Variants in NCOA6 observed in about 807,000 individuals in gnomAD.
NCOA6 encodes nuclear receptor coactivator 6.
Under a neutral mutation model 171.4 loss-of-function variants are expected in NCOA6, and 49 were observed. That is an observed-to-expected ratio of 0.29 (90% confidence interval 0.23 to 0.36). The LOEUF is 0.36. Among genes scored for constraint, NCOA6 ranks in the 10% least tolerant of loss-of-function variants. NCOA6 has a pLI of 1.00. For missense variants in NCOA6, 2,248 were observed against 2,554.5 expected (o/e 0.88, Z 2.59); for synonymous variants, 910 against 927.5 (o/e 0.98, Z 0.34).
intron 1 of NCOA6, among the ~76,000 whole-genome samples, chr20:34,802,790 T>C (rs2078298637): frequency 6.6e-6 from 1 of 152,108 alleles, no homozygotes; most frequent in Non-Finnish European, 1.5e-5. Context: ...AAAGGCAAAA[T>C]GCAAGTTGAG....
chr20:34,754,827 C>A lies in NCOA6; in HGVS notation c.1570G>T (p.Ala524Ser). 2 of 1,614,124 alleles carry A rather than the reference C, an allele frequency of 1.2e-6. No individual in the cohort carries two copies. The highest frequency in any genetic ancestry group is 1.7e-5 in the Admixed American group (1 of 60,014). ...RLPPGFSAGQ[A>S]NPNFMQGQVP... ...TGACCTTGCATAAAGTTCGGATTGG[C>A]CTGTCCTGCTGAGAAGCCAGGTGGG... Residue 524 changes from alanine (A) to serine (S), a missense_variant, in exon 8 of 15, where the codon GCC becomes TCC. Around this residue, in one of 7 missense-constraint regions of NCOA6, gnomAD observed 987 missense variants for 1,104.7 expected, o/e 0.89. Coordinates refer to ENST00000359003, the MANE Select transcript of NCOA6 (RefSeq NM_014071.5).
intron 2 of NCOA6, among the ~76,000 whole-genome samples, chr20:34,788,544 C>T (rs542576486): frequency 6.6e-6 from 1 of 152,252 alleles, no homozygotes; most frequent in South Asian, 2.1e-4. Flanking sequence ...GAAAGCTGCT[C>T]CTGCCCCATC....
chr20:34,808,436 CTTTT>C (rs957085400), intron 1 of NCOA6, among the ~76,000 whole-genome samples: 2 of 125,478 alleles, frequency 1.6e-5, no homozygotes, highest in African/African-American at 3.0e-5. Flanking sequence ...CTTGTCTGTG[CTTTT>C]TTTTTTTTTT....
chr20:34,756,480 A>T (rs577100854), intron 7 of NCOA6, among the ~76,000 whole-genome samples: 3 of 152,230 alleles, frequency 2.0e-5, no homozygotes, highest in Non-Finnish European at 4.4e-5. Flanking sequence ...TACCTTACTG[A>T]AAAGCTCCAA....
rs1315921859 is a variant in NCOA6, at chr20:34,758,053, G to A, written c.695C>T (p.Pro232Leu). Residue 232 changes from proline (P) to leucine (L), a missense_variant, in exon 7 of 15, where the codon CCC becomes CTC. Coordinates refer to ENST00000359003, the MANE Select transcript of NCOA6 (RefSeq NM_014071.5). The stretch of plus-strand genomic sequence containing the variant: ...ATGTGGGGGAGCTAAAGATCCTGAG[G>A]GATGACTTTGCTGCTGTATATGGAG... ...SGLHIQQQSH[P>L]SGSLAPPHHP... is the part of the protein sequence containing the mutation. 3 of 1,614,024 alleles carry A rather than the reference G, an allele frequency of 1.9e-6. No individual in the cohort carries two copies. The South Asian group carries it at 3.3e-5, about 18-fold the overall frequency.
At chr20:34,803,436 C>A (rs2078323797) in intron 1 of NCOA6, among the ~76,000 whole-genome samples, 1 of 149,096 alleles carries the variant, frequency 6.7e-6, no homozygotes, top group Non-Finnish European at 1.5e-5. Flanking sequence ...CACTGTACTC[C>A]AGCCTGGGTG....
intron 14 of NCOA6, among the ~76,000 whole-genome samples, chr20:34,720,204 T>C (rs1266494961): frequency 1.3e-5 from 2 of 152,246 alleles, no homozygotes; most frequent in Non-Finnish European, 2.9e-5. Flanking sequence ...TAAAGCAAGC[T>C]AGAAAAATCA....
At chr20:34,765,856 GA>G (rs939268490) in intron 5 of NCOA6, among the ~76,000 whole-genome samples, 2 of 151,756 alleles carry the variant, frequency 1.3e-5, no homozygotes, top group Admixed American at 6.6e-5. Flanking sequence ...ATAAGGCTAT[GA>G]AAAAAAACAG....
chr20:34,813,568 G>A (rs2078742511), intron 1 of NCOA6, among the ~76,000 whole-genome samples: 1 of 151,998 alleles, frequency 6.6e-6, no homozygotes, highest in Admixed American at 6.6e-5. Context: ...GTTAATAATG[G>A]TATTGTGTTT....
chr20:34,813,101 G>A lies in NCOA6; in HGVS notation c.-164+12371C>T, dbSNP rs187364023. On this transcript the variant is annotated intron_variant, in intron 1 of 14. Coordinates refer to ENST00000359003, the MANE Select transcript of NCOA6 (RefSeq NM_014071.5). ...TTGAACCCGGGAGGAGGAGGTTGCA[G>A]TGAGTCGAGATCACGCCATTGCACT... Among the ~76,000 whole-genome samples the A allele has an allele frequency of 1.9e-3, 281 of 151,798 alleles. 1 individual carries two copies. The highest frequency in any genetic ancestry group is 7.9e-3 in the South Asian group (38 of 4,800).
intron 10 of NCOA6, among the ~76,000 whole-genome samples, chr20:34,744,464 T>C (rs192928968): frequency 1.3e-5 from 2 of 152,308 alleles, no homozygotes; most frequent in Non-Finnish European, 2.9e-5. Flanking sequence ...CATTGTTGCA[T>C]GAAGAGTACA....
chr20:34,746,702 A>T, intron 10 of NCOA6, 105 bp downstream of exon 10: 2 of 1,276,710 alleles, frequency 1.6e-6, no homozygotes, highest in Non-Finnish European at 2.1e-6. Flanking sequence ...GAAGTAGACT[A>T]GTTAGCAGAT....
chr20:34,786,300 T>A (rs2077679001), intron 2 of NCOA6, among the ~76,000 whole-genome samples: 1 of 152,150 alleles, frequency 6.6e-6, no homozygotes, highest in Admixed American at 6.5e-5. Flanking sequence ...AAAACCAGCT[T>A]CTGGATTCAC....
intron 1 of NCOA6, among the ~76,000 whole-genome samples, chr20:34,799,461 G>T (rs936790003): frequency 1.3e-5 from 2 of 152,110 alleles, no homozygotes; most frequent in African/African-American, 2.4e-5. Context: ...CCTAGAGAAA[G>T]ATATCAATAT....
chr20:34,773,600 C>CGTTG (rs2077220080), intron 4 of NCOA6, among the ~76,000 whole-genome samples: 1 of 151,702 alleles, frequency 6.6e-6, no homozygotes. Flanking sequence ...CTCGGCTCAC[C>CGTTG]GCAACCTCCA....
At chr20:34,777,116 CA>C (rs1157021055) in intron 3 of NCOA6, among the ~76,000 whole-genome samples, 700 of 43,842 alleles carry the variant, frequency 0.016, 3 homozygotes, top group African/African-American at 0.041. Context: ...GACTCCGTCT[CA>C]AAAAAAAAAA....
intron 4 of NCOA6, among the ~76,000 whole-genome samples, chr20:34,769,488 C>T (rs1246270830): frequency 1.3e-5 from 2 of 151,712 alleles, no homozygotes; most frequent in African/African-American, 2.4e-5. Context: ...CTCAGCCTTC[C>T]GAGTAGCTGG....
intron 1 of NCOA6, among the ~76,000 whole-genome samples, chr20:34,808,316 C>A (rs1027789553): frequency 6.6e-6 from 1 of 151,428 alleles, no homozygotes; most frequent in African/African-American, 2.4e-5. Context: ...ATTCTTAAAT[C>A]AAAATATTTT....
intron 1 of NCOA6, among the ~76,000 whole-genome samples, chr20:34,810,732 A>G (rs999038484): frequency 2.0e-5 from 3 of 151,822 alleles, no homozygotes; most frequent in Non-Finnish European, 4.4e-5. Context: ...ATTTTTTTGT[A>G]TTTTTAGAAG....
Sources: allele counts gnomAD v4.1 joint callset (sites outside exome capture counted in the v4.1 genomes callset), GRCh38; gene constraint gnomAD v4.1.1; regional missense constraint gnomAD v4.1.1; transcripts MANE v1.5; gene names NCBI Gene and HGNC (gene_info 2026-07-23, HGNC 2026-07-21).